COL2A1: variants seen among roughly 807,000 people sequenced by gnomAD.
COL2A1 encodes the protein collagen alpha-1(II) chain.
In COL2A1, 28 loss-of-function variants were observed where a neutral mutation model predicts 204.5. The observed-to-expected ratio is 0.14, with a 90% CI of 0.10 to 0.19. COL2A1 has a LOEUF of 0.19. COL2A1 is among the 10% of genes least tolerant of loss of function. The probability of loss-of-function intolerance (pLI) is 1.00; values close to 1 mark genes in which losing one functional copy is unlikely to be tolerated. For missense variants in COL2A1, 1,388 were observed against 2,027.5 expected, an observed-to-expected ratio of 0.68 and a Z score of 6.06; for synonymous variants, 708 against 718.7, an observed-to-expected ratio of 0.99 and a Z score of 0.24.
intron 45 of COL2A1, 30 bp from the exon 46 acceptor site, chr12:47,977,457 A>G: frequency 6.3e-7 from 1 of 1,596,904 alleles, no homozygotes. Context: ...AGGCTCAGAG[A>G]AGAATGTTCC....
rs751879186 is a variant in COL2A1, at chr12:47,973,458, T to G, written c.4413A>C (p.Gly1471=). ...PIIDIAPMDI[G]GPEQEFGVDI... is the part of the protein sequence containing the mutation. Reference sequence around the variant, plus strand: ...CCACACCGAATTCCTGCTCGGGCCCTCCTATGTCCATGGGTGCAATGTCAA... The same window carrying G: ...CCACACCGAATTCCTGCTCGGGCCCGCCTATGTCCATGGGTGCAATGTCAA... Residue 1471 remains glycine (G), a synonymous_variant, in exon 54 of 54, where the codon GGA becomes GGC. Coordinates refer to ENST00000380518, the MANE Select transcript of COL2A1 (RefSeq NM_001844.5). The G allele has an allele frequency of 6.2e-7, 1 of 1,613,890 alleles. No individual in the cohort carries two copies. The highest frequency in any genetic ancestry group is 1.7e-5 in the Admixed American group (1 of 59,998).
chr12:47,981,984 C>T, intron 35 of COL2A1, 123 bp downstream of exon 35: 1 of 1,298,020 alleles, frequency 7.7e-7, no homozygotes, highest in Admixed American at 1.7e-5. Flanking sequence ...CTGCAGTTGC[C>T]CAGCCCCGAC....
rs1939583053 is a variant in COL2A1, at chr12:47,989,211, G to T, written c.1122+17C>A. The stretch of plus-strand genomic sequence containing the variant: ...CTCGGCACCCAGAAGTTCCTGACTG[G>T]ACAACAGGGCACGTACCTTGGCTCC... On this transcript the variant is annotated intron_variant, in intron 18 of 53. Coordinates refer to ENST00000380518, the MANE Select transcript of COL2A1 (RefSeq NM_001844.5). 6.2e-7 allele frequency: 1 copy of T among 1,608,440 alleles called. No homozygotes were observed.
chr12:47,985,374 A>G (rs1457534044), intron 26 of COL2A1, among the ~76,000 whole-genome samples, 160 bp downstream of exon 26: 1 of 152,172 alleles, frequency 6.6e-6, no homozygotes, highest in African/African-American at 2.4e-5. Flanking sequence ...GCTACTGCAC[A>G]GGTTACATCT....
chr12:47,997,174 C>T (rs2136624307), intron 7 of COL2A1, among the ~76,000 whole-genome samples: 1 of 152,338 alleles, frequency 6.6e-6, no homozygotes, highest in East Asian at 1.9e-4. Flanking sequence ...TAGCCACACA[C>T]CTTCACTCAG....
At chr12:48,006,063 G>A (rs1447846875), upstream of COL2A1, 1 of 152,238 alleles carries the variant, frequency 6.6e-6, no homozygotes, top group African/African-American at 2.4e-5. Flanking sequence ...ACCTTCCACG[G>A]GCCTTGTCTG....
intron 26 of COL2A1, among the ~76,000 whole-genome samples, chr12:47,985,305 A>T (rs1243051524): frequency 6.6e-6 from 1 of 152,188 alleles, no homozygotes; most frequent in African/African-American, 2.4e-5. Context: ...ACACGATGTC[A>T]TCATTCCCCC....
intron 7 of COL2A1, 114 bp downstream of exon 7, chr12:47,997,492 G>A: frequency 6.3e-7 from 1 of 1,576,148 alleles, no homozygotes; most frequent in South Asian, 1.1e-5. Flanking sequence ...CCATGGACAG[G>A]CTATGTACAC....
intron 40 of COL2A1, 32 bp downstream of exon 40, chr12:47,979,977 G>A: frequency 2.6e-6 from 4 of 1,543,840 alleles, no homozygotes; most frequent in Middle Eastern, 1.7e-4. Flanking sequence ...TCTTTGTGAG[G>A]TGCAGGGTGG....
In COL2A1 at chr12:47,980,709, C is replaced by G; in HGVS notation, c.2518-48G>C. The G allele has an allele frequency of 6.4e-7, 1 of 1,561,008 alleles. No homozygotes were observed. The highest frequency in any genetic ancestry group is 8.7e-7 in the Non-Finnish European group (1 of 1,144,852). ...GGTGAATGAGGGGCAGGCTAAAACC[C>G]TGGAGCTCTTCCAGAAGAGCAGGAG... is the stretch of plus-strand genomic sequence containing the variant. On this transcript the variant is annotated intron_variant, in intron 38 of 53. Transcript: ENST00000380518. This position sits in a 1 kb window ranked among gnomAD's most constrained non-coding sequence, Gnocchi z 4.5.
intron 34 of COL2A1, 44 bp downstream of exon 34, chr12:47,982,458 G>T (rs1414239749): frequency 6.6e-7 from 1 of 1,509,684 alleles, no homozygotes; most frequent in South Asian, 1.1e-5. Context: ...CAGGAATGTG[G>T]CAAAGCCACA....
In COL2A1 at chr12:47,978,798, C is replaced by A. The variant is rs1231047713; in HGVS notation, c.2734-40G>T. 9 of 1,603,898 alleles carry A rather than the reference C, an allele frequency of 5.6e-6. No homozygotes were observed. The highest frequency in any genetic ancestry group is 1.4e-5 in the African/African-American group (1 of 70,690). Reference sequence around the variant, plus strand: ...TGCGGGAAGTGAGGACTCATCTCACCCTTCCTCATCCAGGCTGCCAAAGTC... The same window carrying A: ...TGCGGGAAGTGAGGACTCATCTCACACTTCCTCATCCAGGCTGCCAAAGTC... On this transcript the variant is annotated intron_variant, in intron 41 of 53. Coordinates refer to ENST00000380518, the MANE Select transcript of COL2A1 (RefSeq NM_001844.5). The surrounding 1 kb of genome is among the most constrained non-coding windows in gnomAD (Gnocchi z 5.5).
In COL2A1 at chr12:47,978,784, A is replaced by G. The variant is rs759604791; in HGVS notation, c.2734-26T>C. ...CTAGAAGGAGAAAATGCGGGAAGTGAGGACTCATCTCACCCTTCCTCATCC... is the reference window on the plus strand; with the variant it reads ...CTAGAAGGAGAAAATGCGGGAAGTGGGGACTCATCTCACCCTTCCTCATCC... On this transcript the variant is annotated intron_variant, in intron 41 of 53. Transcript: ENST00000380518. This position sits in a 1 kb window ranked among gnomAD's most constrained non-coding sequence, Gnocchi z 5.5. The G allele has an allele frequency of 6.2e-7, 1 of 1,609,048 alleles. No homozygotes were observed. The highest frequency in any genetic ancestry group is 8.5e-7 in the Non-Finnish European group (1 of 1,179,458).
chr12:47,994,932 T>G (rs1939882190), intron 11 of COL2A1, among the ~76,000 whole-genome samples: 1 of 152,250 alleles, frequency 6.6e-6, no homozygotes, highest in East Asian at 1.9e-4. Context: ...TGTTGAACGC[T>G]TCTTTCTTTG....
At chr12:47,982,385 A>T in intron 34 of COL2A1, 117 bp downstream of exon 34, 1 of 933,818 alleles carries the variant, frequency 1.1e-6, no homozygotes, top group Admixed American at 1.9e-5. Context: ...AAGCTCCTCA[A>T]AAAGGGCTAA....
intron 1 of COL2A1, 147 bp from the exon 2 acceptor site, chr12:48,000,272 T>C (rs1940172456): frequency 1.5e-6 from 1 of 655,848 alleles, no homozygotes; most frequent in Admixed American, 2.4e-5. Context: ...ATATAGAACT[T>C]AAAAATTATT....
chr12:47,983,291 A>C, intron 31 of COL2A1, 94 bp downstream of exon 31: 1 of 1,501,602 alleles, frequency 6.7e-7, no homozygotes, highest in Non-Finnish European at 9.2e-7. Flanking sequence ...CAGGCCTCAC[A>C]GGGCTCCTCA....
At chr12:47,986,969 T>C in intron 21 of COL2A1, 81 bp from the exon 22 acceptor site, 1 of 1,597,300 alleles carries the variant, frequency 6.3e-7, no homozygotes, top group Non-Finnish European at 8.6e-7. Flanking sequence ...CAAGATGCCC[T>C]CGGATGGAGG....
chr12:47,999,641 T>G, intron 2 of COL2A1: 1 of 198,710 alleles, frequency 5.0e-6, no homozygotes, highest in Non-Finnish European at 9.9e-6. Flanking sequence ...AGGATTTTTT[T>G]TTTTTTTTTT....
Sources: gnomAD v4.1 joint callset for allele counts (sites outside exome capture counted in the v4.1 genomes callset) on GRCh38, gnomAD v4.1.1 for gene constraint, Gnocchi (gnomAD v3.1) non-coding constraint, MANE v1.5 for transcripts, NCBI Gene and HGNC (gene_info 2026-07-23, HGNC 2026-07-21) for gene names.